Variants in BCHE observed in about 807,000 individuals in gnomAD.
BCHE encodes cholinesterase.
In BCHE, 48 loss-of-function variants were observed where a neutral mutation model predicts 51.3. The ratio of observed to expected loss-of-function variants is 0.94; its 90% confidence interval spans 0.74 to 1.19. BCHE has a LOEUF of 1.19. Ranked by LOEUF, BCHE falls within the 50% of genes most tolerant of loss-of-function variation. The probability of loss-of-function intolerance (pLI) is 0.00; values close to 1 mark genes in which losing one functional copy is unlikely to be tolerated. For missense variants in BCHE, 847 were observed against 708.2 expected, an observed-to-expected ratio of 1.20 and a Z score of -2.23; for synonymous variants, 251 against 238.0, an observed-to-expected ratio of 1.05 and a Z score of -0.50.
chr3:165,830,382 T>C lies in BCHE; in HGVS notation c.652A>G (p.Lys218Glu), dbSNP rs1714919609. The C allele has an allele frequency of 6.2e-7, 1 of 1,613,994 alleles. No homozygotes were observed. Among genetic ancestry groups the C allele is most frequent in the Non-Finnish European group, 8.5e-7 (1 of 1,179,932 alleles). The change falls in exon 2 of 4, where the codon AAA (lysine) becomes GAA (glutamate). Residue 218 changes from lysine (K) to glutamate (E), a missense_variant. Lys to Glu is a moderately conservative substitution (Grantham distance 56). Transcript: ENST00000264381. ...KNIAAFGGNPKSVTLFGESAG... is the reference protein window; with the variant it reads ...KNIAAFGGNPESVTLFGESAG... ...CTTTCTCCAAAGAGAGTTACACTTT[T>C]AGGATTTCCACCAAAGGCTGCTATA... is the stretch of plus-strand genomic sequence containing the variant.
At chr3:165,823,936 T>C (rs1403540502) in intron 2 of BCHE, among the ~76,000 whole-genome samples, 2 of 4,846 alleles carry the variant, frequency 4.1e-4, no homozygotes, top group Non-Finnish European at 1.7e-3. Context: ...CCAACCAACT[T>C]TTTTTTTTTT....
chr3:165,829,468 A>C, intron 2 of BCHE, 49 bp downstream of exon 2: 1 of 1,515,694 alleles, frequency 6.6e-7, no homozygotes, highest in Non-Finnish European at 9.2e-7. Flanking sequence ...AAAGCTAAGC[A>C]AAACGGATCA....
intron 3 of BCHE, chr3:165,777,781 C>T (rs1317191775): frequency 2.2e-6 from 1 of 453,634 alleles, no homozygotes; most frequent in Admixed American, 2.4e-5. Context: ...TTTTCCCCTC[C>T]TCCTACTCCT....
At chr3:165,784,953 G>A (rs1003934370) in intron 3 of BCHE, among the ~76,000 whole-genome samples, 4 of 151,694 alleles carry the variant, frequency 2.6e-5, no homozygotes, top group Non-Finnish European at 5.9e-5. Context: ...CAAAAGGATG[G>A]CACTGTTGCT....
chr3:165,818,528 C>G (rs1714390085), intron 2 of BCHE, among the ~76,000 whole-genome samples: 1 of 152,088 alleles, frequency 6.6e-6, no homozygotes, highest in Non-Finnish European at 1.5e-5. Context: ...CTAAACTTTC[C>G]AATCATCAGT....
intron 3 of BCHE, among the ~76,000 whole-genome samples, chr3:165,784,400 T>C (rs891738662): frequency 6.6e-6 from 1 of 151,970 alleles, no homozygotes; most frequent in Non-Finnish European, 1.5e-5. Context: ...TTATAAAATA[T>C]ATCTAATATG....
intron 2 of BCHE, among the ~76,000 whole-genome samples, chr3:165,808,326 C>T (rs1713948573): frequency 6.6e-6 from 1 of 151,932 alleles, no homozygotes; most frequent in Non-Finnish European, 1.5e-5. Flanking sequence ...AAAACAGTGA[C>T]AGATTCTAGT....
At chr3:165,813,647 A>G (rs1036543426) in intron 2 of BCHE, among the ~76,000 whole-genome samples, 1 of 151,948 alleles carries the variant, frequency 6.6e-6, no homozygotes, top group Admixed American at 6.6e-5. Context: ...TTGAAACACA[A>G]TAAAAATAAA....
intron 2 of BCHE, among the ~76,000 whole-genome samples, chr3:165,791,453 G>A (rs2089885): frequency 0.65 from 99,204 of 152,076 alleles, 34,779 homozygotes; most frequent in East Asian, 0.78. Flanking sequence ...AACTAGAGAC[G>A]TAGTGGCAGA....
At chr3:165,799,290 T>C (rs1713549508) in intron 2 of BCHE, among the ~76,000 whole-genome samples, 1 of 152,062 alleles carries the variant, frequency 6.6e-6, no homozygotes, top group Non-Finnish European at 1.5e-5. Context: ...AGAAAAGCTG[T>C]ATGTTATTTT....
intron 2 of BCHE, among the ~76,000 whole-genome samples, chr3:165,797,125 CTCCCTTCCTTCCT>C (rs1713412343): frequency 7.0e-6 from 1 of 143,030 alleles, no homozygotes; most frequent in African/African-American, 2.6e-5. Flanking sequence ...CCTTCTTTCC[CTCCCTTCCTTCCT>C]TCCCTCCTTC....
rs555755557 is a variant in BCHE, at chr3:165,778,963, A to G, written c.1685-5457T>C. Among the ~76,000 whole-genome samples the G allele has an allele frequency of 7.2e-5, 11 of 152,212 alleles. 2 individuals are homozygous for G. In the South Asian group the frequency reaches 2.3e-3, roughly 32 times the overall value. Reference sequence around the variant, plus strand: ...TATATTTTTGTGGGTAATTGCTATTAGGAATATTTCACATTAATTTTCATT... The same window carrying G: ...TATATTTTTGTGGGTAATTGCTATTGGGAATATTTCACATTAATTTTCATT... On this transcript the variant is annotated intron_variant, in intron 3 of 3. Coordinates refer to ENST00000264381, the MANE Select transcript of BCHE (RefSeq NM_000055.4).
intron 3 of BCHE, among the ~76,000 whole-genome samples, chr3:165,782,752 T>C (rs1712757310): frequency 6.6e-6 from 1 of 152,180 alleles, no homozygotes; most frequent in Admixed American, 6.6e-5. Context: ...TACTTCCATC[T>C]AAGATCAAGC....
At chr3:165,815,162 A>G (rs1714263156) in intron 2 of BCHE, among the ~76,000 whole-genome samples, 1 of 151,378 alleles carries the variant, frequency 6.6e-6, no homozygotes, top group African/African-American at 2.4e-5. Flanking sequence ...TACAGTATGT[A>G]TCTGGAATAA....
Position 165,773,064 on chromosome 3 carries a change from G to A in BCHE, c.*318C>T, listed in dbSNP as rs1712314775. On this transcript the variant is annotated 3_prime_UTR_variant, in exon 4 of 4. Coordinates refer to ENST00000264381, the MANE Select transcript of BCHE (RefSeq NM_000055.4). Reference sequence around the variant, plus strand: ...GTAATGAAAATACACGTGACTAAAAGCAGAGCACTGATAATTTTGGGGGGA... The same window carrying A: ...GTAATGAAAATACACGTGACTAAAAACAGAGCACTGATAATTTTGGGGGGA... The A allele has an allele frequency of 1.4e-5, 3 of 212,948 alleles. No homozygotes were observed. The highest frequency in any genetic ancestry group is 1.2e-4 in the Admixed American group (2 of 16,084). 13.2% of individuals were successfully genotyped at this position (212,948 alleles called of 1,614,324 possible).
chr3:165,780,989 C>A (rs562950072), intron 3 of BCHE, among the ~76,000 whole-genome samples: 53 of 152,192 alleles, frequency 3.5e-4, no homozygotes, highest in African/African-American at 1.3e-3. Flanking sequence ...CACATTTAAT[C>A]CCTGCACTTT....
chr3:165,806,143 A>C (rs965448368), intron 2 of BCHE, among the ~76,000 whole-genome samples: 3 of 152,126 alleles, frequency 2.0e-5, no homozygotes, highest in African/African-American at 7.2e-5. Flanking sequence ...CACATTAAAA[A>C]AAAAAGTTTT....
At chr3:165,787,606 A>C (rs1038978571) in intron 2 of BCHE, among the ~76,000 whole-genome samples, 1 of 152,000 alleles carries the variant, frequency 6.6e-6, no homozygotes, top group African/African-American at 2.4e-5. Flanking sequence ...CGGGAAAGCT[A>C]GAAAAAGGGA....
At chr3:165,832,155 T>C (rs1715014526) in intron 1 of BCHE, among the ~76,000 whole-genome samples, 1 of 152,174 alleles carries the variant, frequency 6.6e-6, no homozygotes. Flanking sequence ...TGACATAGAC[T>C]ATTAGAAGAG....
Sources: allele counts gnomAD v4.1 joint callset (sites outside exome capture counted in the v4.1 genomes callset), GRCh38; gene constraint gnomAD v4.1.1; transcripts MANE v1.5; gene names NCBI Gene and HGNC (gene_info 2026-07-23, HGNC 2026-07-21).